The following ALKBH3 variants were observed in gnomAD, a reference collection of about 807,000 sequenced individuals.
ALKBH3 encodes alkB homolog 3, alpha-ketoglutarate dependent dioxygenase, also known as alpha-ketoglutarate-dependent dioxygenase alkB homolog 3.
Under a neutral mutation model 43.9 loss-of-function variants are expected in ALKBH3, and 51 were observed. The ratio of observed to expected loss-of-function variants is 1.16; its 90% CI spans 0.93 to 1.47. The LOEUF (loss-of-function observed/expected upper bound fraction) is 1.47. ALKBH3 is among the 40% of genes most tolerant of loss of function. ALKBH3 has a pLI of 0.00. For synonymous variants in ALKBH3, 102 were observed against 115.2 expected, an observed-to-expected ratio of 0.89 and a Z score of 0.73; for missense variants, 361 against 351.9, an observed-to-expected ratio of 1.03 and a Z score of -0.21.
At chr11:43,908,745 A>T (rs1320665674) in intron 8 of ALKBH3, among the ~76,000 whole-genome samples, 1 of 152,190 alleles carries the variant, frequency 6.6e-6, no homozygotes, top group Non-Finnish European at 1.5e-5. Flanking sequence ...AATAAGTCTG[A>T]ACAGTAAACG....
intron 7 of ALKBH3, among the ~76,000 whole-genome samples, chr11:43,896,314 G>T: frequency 6.6e-6 from 1 of 151,210 alleles, no homozygotes; most frequent in East Asian, 1.9e-4. Context: ...TATATATAAA[G>T]GGGAGTTTAT....
intron 8 of ALKBH3, chr11:43,918,662 T>C: frequency 6.0e-6 from 1 of 167,622 alleles, no homozygotes; most frequent in Non-Finnish European, 1.3e-5. Context: ...TAAAGAATTC[T>C]TGTACAGGTG....
intron 7 of ALKBH3, chr11:43,897,231 C>A (rs1047209914): frequency 5.6e-6 from 3 of 540,030 alleles, no homozygotes; most frequent in Non-Finnish European, 1.1e-5. Flanking sequence ...AAGTCAGCAC[C>A]TGTTAGTGGA....
intron 6 of ALKBH3, among the ~76,000 whole-genome samples, chr11:43,891,326 AAAATT>A (rs200424601): frequency 0.039 from 5,948 of 152,278 alleles, 135 homozygotes; most frequent in Non-Finnish European, 0.055. Flanking sequence ...TCTTATCAGT[AAAATT>A]AAATTAATAA....
chr11:43,898,227 C>G (rs1354285984), intron 7 of ALKBH3: 3 of 987,560 alleles, frequency 3.0e-6, no homozygotes, highest in Non-Finnish European at 4.9e-6. Flanking sequence ...ACGGGTGGCT[C>G]CAGGAGACCC....
At chr11:43,894,105 T>A (rs1243526332) in intron 7 of ALKBH3, among the ~76,000 whole-genome samples, 1 of 152,222 alleles carries the variant, frequency 6.6e-6, no homozygotes, top group Non-Finnish European at 1.5e-5. Flanking sequence ...AAGCTTAATA[T>A]CCCGTACAAA....
At chr11:43,893,241 A>G (rs996792561) in intron 7 of ALKBH3, among the ~76,000 whole-genome samples, 2 of 152,174 alleles carry the variant, frequency 1.3e-5, no homozygotes, top group East Asian at 1.9e-4. Flanking sequence ...TTGTGGGTCT[A>G]TCCCTTGCAT....
intron 7 of ALKBH3, chr11:43,899,317 G>A: frequency 1.4e-6 from 1 of 699,050 alleles, no homozygotes. Context: ...TCTGCATCCT[G>A]CAGTGGAAAT....
intron 7 of ALKBH3, chr11:43,898,712 G>T (rs940820812): frequency 1.2e-4 from 87 of 714,630 alleles, no homozygotes; most frequent in Admixed American, 3.4e-4. Context: ...TACCCTAAGA[G>T]ACTGGGCCGA....
rs1554976906 is a variant in ALKBH3 at position 43,900,215 on chromosome 11, A to AATTTTTTT, written c.460-1301_460-1300insATTTTTTT. ...ATTGCATTTTTTTTATTTTAATTTAATTTTTTTTTTTTTTTTTTTTTTTTT... is the reference window on the plus strand; with the variant it reads ...ATTGCATTTTTTTTATTTTAATTTAAATTTTTTTTTTTTTTTTTTTTTTTTTTTTTTTT... On this transcript the variant is annotated intron_variant, in intron 7 of 9. Transcript: ENST00000302708. 4.4e-4 allele frequency among the ~76,000 whole-genome samples: 38 copies of AATTTTTTT among 87,172 alleles called. 4 individuals carry two copies. The highest frequency in any genetic ancestry group is 4.5e-4 in the Non-Finnish European group (21 of 46,314). 57.2% of individuals were successfully genotyped at this position (87,172 alleles called of 152,430 possible).
chr11:43,881,159 GA>G lies in ALKBH3; in HGVS notation c.-86del, dbSNP rs1951708113. The G allele has an allele frequency of 6.6e-6, 1 of 152,310 alleles. No individual in the cohort carries two copies. Among genetic ancestry groups the G allele is most frequent in the African/African-American group, 2.4e-5 (1 of 41,464 alleles). The allele number at this position is 152,310 out of a possible 1,614,324, so 9.4% of individuals were successfully genotyped here. On this transcript the variant is annotated 5_prime_UTR_variant, in exon 1 of 10. Transcript: ENST00000302708. ...GAAAGTGACTGCCCTGTTTACTGAG[GA>G]AAAACTGGGGCTCAGAAAGGTGAAG...
rs1951731894 is a variant in ALKBH3 at position 43,884,080 on chromosome 11, T to C, written c.218+63T>C. 11 of 1,589,974 alleles carry C rather than the reference T, an allele frequency of 6.9e-6. No homozygotes were observed. The East Asian group carries it at 2.5e-4, about 36-fold the overall frequency. The stretch of plus-strand genomic sequence containing the variant: ...AGTGAAATGAAGAGCCTGGAATCTT[T>C]CCTCACTGTTTTTTCTATCTGGAAG... On this transcript the variant is annotated intron_variant, in intron 4 of 9. Coordinates refer to ENST00000302708, the MANE Select transcript of ALKBH3 (RefSeq NM_139178.4).
chr11:43,881,749 A>G (rs1459142821), intron 1 of ALKBH3, among the ~76,000 whole-genome samples: 2 of 152,220 alleles, frequency 1.3e-5, no homozygotes, highest in South Asian at 2.1e-4. Flanking sequence ...AGCTATTAAT[A>G]TAAAACGAGC....
At chr11:43,886,719 C>G (rs555119566) in intron 5 of ALKBH3, 66 bp downstream of exon 5, 8 of 1,506,974 alleles carry the variant, frequency 5.3e-6, no homozygotes, top group Non-Finnish European at 7.4e-6. Flanking sequence ...AAATAGTTTA[C>G]TCCCCTAGAG....
chr11:43,907,264 C>T (rs1026591306), intron 8 of ALKBH3, among the ~76,000 whole-genome samples: 1 of 151,714 alleles, frequency 6.6e-6, no homozygotes, highest in Non-Finnish European at 1.5e-5. Context: ...GATTGGTAGT[C>T]CTGATAAGAC....
At position 43,919,948 on chromosome 11, in the gene ALKBH3, G is replaced by GA; in HGVS notation, c.801dup (p.Pro268ThrfsTer25). On this transcript the variant is annotated frameshift_variant, in exon 10 of 10. Transcript: ENST00000302708. LOFTEE classifies it high-confidence loss of function. ...AGTGCCCAAAGAATACCACTCTAGA[G>GA]AACCGAGAGTGAACCTGACCTTTCG... 1.2e-6 allele frequency: 2 copies of GA among 1,614,156 alleles called. No individual in the cohort carries two copies. Among genetic ancestry groups the GA allele is most frequent in the Non-Finnish European group, 1.7e-6 (2 of 1,180,000 alleles).
chr11:43,883,480 G>A (rs1332598664), intron 3 of ALKBH3, among the ~76,000 whole-genome samples: 2 of 152,152 alleles, frequency 1.3e-5, no homozygotes, highest in Admixed American at 1.3e-4. Flanking sequence ...TCCTAAAACT[G>A]TGCTGTCTTC....
chr11:43,881,035 C>G lies in ALKBH3; in HGVS notation c.-215C>G, dbSNP rs1209312603. 3 of 152,284 alleles carry G rather than the reference C, an allele frequency of 2.0e-5. No homozygotes were observed. The highest frequency in any genetic ancestry group is 4.4e-5 in the Non-Finnish European group (3 of 68,112). 9.4% of individuals were successfully genotyped at this position (152,284 alleles called of 1,614,324 possible). On this transcript the variant is annotated 5_prime_UTR_variant, in exon 1 of 10. Transcript: ENST00000302708. ...CCTCCGGGGCCTCATTCTAGGCCTC[C>G]TTAAAGAGAAGGATCTAAATTAGGA...
At chr11:43,914,658 C>T (rs1443456348) in intron 8 of ALKBH3, among the ~76,000 whole-genome samples, 16 of 151,868 alleles carry the variant, frequency 1.1e-4, no homozygotes, top group Admixed American at 1.0e-3. Context: ...GAAGACGAGC[C>T]AAAGAAAGGT....
Sources: gnomAD v4.1 joint callset for allele counts (sites outside exome capture counted in the v4.1 genomes callset) on GRCh38, gnomAD v4.1.1 for gene constraint, MANE v1.5 for transcripts, NCBI Gene and HGNC (gene_info 2026-07-23, HGNC 2026-07-21) for gene names.